Variants in RUSF1 observed in about 807,000 individuals in gnomAD.
RUSF1 encodes RUS1 family protein C16orf58.
In RUSF1, 58 loss-of-function variants were observed where a neutral mutation model predicts 63.0. That is an observed-to-expected ratio of 0.92 (90% CI 0.75 to 1.15). The LOEUF is 1.15. RUSF1 is among the 50% of genes most tolerant of loss of function. The probability of loss-of-function intolerance (pLI) is 0.00; values close to 1 mark genes in which losing one functional copy is unlikely to be tolerated. For missense variants in RUSF1, 652 were observed against 611.0 expected, an observed-to-expected ratio of 1.07 and a Z score of -0.71; for synonymous variants, 274 against 255.8, an observed-to-expected ratio of 1.07 and a Z score of -0.68.
Position 31,493,805 on chromosome 16 carries a change from G to C in RUSF1, c.774-18C>G. The C allele has an allele frequency of 6.2e-7, 1 of 1,614,192 alleles. No individual in the cohort carries two copies. The highest frequency in any genetic ancestry group is 8.5e-7 in the Non-Finnish European group (1 of 1,180,022). On this transcript the variant is annotated intron_variant, in intron 7 of 12. Coordinates refer to ENST00000327237, the MANE Select transcript of RUSF1 (RefSeq NM_022744.4). ...GGCTGAAGCTGGGGTGAGAGAGTGA[G>C]GTAGCTGAAGTGGGCAGAGGCCCAG... is the stretch of plus-strand genomic sequence containing the variant.
Position 31,489,655 on chromosome 16 carries a change from G to A in RUSF1, c.*1180C>T. On this transcript the variant is annotated 3_prime_UTR_variant, in exon 13 of 13. Transcript: ENST00000327237. Reference sequence around the variant, plus strand: ...TCTTGAACGCCCACAAAAAGGTTTGGTTTTGTTGCCAAAGGGCAGGTGGCT... The same window carrying A: ...TCTTGAACGCCCACAAAAAGGTTTGATTTTGTTGCCAAAGGGCAGGTGGCT... 2.0e-6 allele frequency: 1 copy of A among 509,392 alleles called. No individual in the cohort carries two copies. The highest frequency in any genetic ancestry group is 3.6e-6 in the Non-Finnish European group (1 of 280,016). The allele number at this position is 509,392 out of a possible 1,614,324, so 31.6% of individuals were successfully genotyped here.
intron 2 of RUSF1, among the ~76,000 whole-genome samples, chr16:31,504,295 A>T (rs2082647271): frequency 6.6e-6 from 1 of 151,654 alleles, no homozygotes; most frequent in African/African-American, 2.4e-5. Context: ...TTCAGACAGG[A>T]TACTGCTCTG....
intron 9 of RUSF1, 110 bp from the exon 10 acceptor site, chr16:31,493,158 G>C: frequency 2.6e-6 from 3 of 1,161,312 alleles, no homozygotes; most frequent in Middle Eastern, 3.8e-4. Flanking sequence ...GCTTCACTCA[G>C]GTCCCCTCGC....
chr16:31,493,969 G>A (rs983149006), intron 6 of RUSF1, 33 bp from the exon 7 acceptor site: 1 of 1,608,430 alleles, frequency 6.2e-7, no homozygotes, highest in Non-Finnish European at 8.5e-7. Context: ...GGAGTTGGAA[G>A]GTGCCCCTCC....
intron 3 of RUSF1, 116 bp downstream of exon 3, chr16:31,500,570 T>C (rs2082627681): frequency 1.5e-6 from 2 of 1,345,634 alleles, no homozygotes; most frequent in Non-Finnish European, 2.0e-6. Context: ...TTAAGCACTT[T>C]GCATAGATCA....
In RUSF1 at chr16:31,499,475, G is replaced by GCCCC; in HGVS notation, c.494+17_494+18insGGGG. ...TCATAATGGAAGACTCCCCTCCCCCGTCCCCGCCCCTCCTCACCTCCACTG... is the reference window on the plus strand; with the variant it reads ...TCATAATGGAAGACTCCCCTCCCCCGCCCCTCCCCGCCCCTCCTCACCTCCACTG... On this transcript the variant is annotated intron_variant, in intron 4 of 12. Coordinates refer to ENST00000327237, the MANE Select transcript of RUSF1 (RefSeq NM_022744.4). 1 of 795,504 alleles carries GCCCC rather than the reference G, an allele frequency of 1.3e-6. No homozygotes were observed. Among genetic ancestry groups the GCCCC allele is most frequent in the Non-Finnish European group, 2.0e-6 (1 of 494,936 alleles). The allele number at this position is 795,504 out of a possible 1,614,324, so 49.3% of individuals were successfully genotyped here.
intron 5 of RUSF1, 99 bp from the exon 6 acceptor site, chr16:31,497,049 G>A: frequency 4.3e-6 from 4 of 927,320 alleles, no homozygotes; most frequent in Non-Finnish European, 6.5e-6. Context: ...GCCAAACTCT[G>A]AATGCTGTCC....
intron 2 of RUSF1, among the ~76,000 whole-genome samples, chr16:31,502,629 G>A (rs2082638463): frequency 6.6e-6 from 1 of 152,246 alleles, no homozygotes; most frequent in Admixed American, 6.5e-5. Context: ...ATGGGTCCAA[G>A]CTACTGCCAT....
Position 31,489,963 on chromosome 16 carries a change from G to A in RUSF1, c.*872C>T, listed in dbSNP as rs1301569697. The stretch of plus-strand genomic sequence containing the variant: ...AGGGCAGCCATGTAGGGTGGAGTTG[G>A]CATGAGTTAAGCCTGGGCTGGGTGT... On this transcript the variant is annotated 3_prime_UTR_variant, in exon 13 of 13. Transcript: ENST00000327237. 16 of 1,103,896 alleles carry A rather than the reference G, an allele frequency of 1.4e-5. No homozygotes were observed. The highest frequency in any genetic ancestry group is 2.1e-5 in the Non-Finnish European group (16 of 744,484). The allele number at this position is 1,103,896 out of a possible 1,614,324, so 68.4% of individuals were successfully genotyped here.
chr16:31,499,234 G>A (rs1166830278), intron 5 of RUSF1, 68 bp downstream of exon 5: 2 of 1,380,612 alleles, frequency 1.4e-6, no homozygotes, highest in Admixed American at 1.7e-5. Context: ...AACTCACAGA[G>A]CCCAGGTAAA....
rs768349646 is a variant in RUSF1 at position 31,493,535 on chromosome 16, C to CTGG, written c.959-14_959-12dup. On this transcript the variant is annotated splice_polypyrimidine_tract_variant and intron_variant, in intron 8 of 12. Coordinates refer to ENST00000327237, the MANE Select transcript of RUSF1 (RefSeq NM_022744.4). ...GAGCTGGCCAGAAACCTGTGGGAAG[C>CTGG]TGGGGTCAGGATGCCTAGGCAGTGG... The CTGG allele has an allele frequency of 2.5e-6, 4 of 1,614,064 alleles. No homozygotes were observed. Among genetic ancestry groups the CTGG allele is most frequent in the Non-Finnish European group, 3.4e-6 (4 of 1,179,994 alleles).
At chr16:31,494,172 T>G (rs2082590167) in intron 6 of RUSF1, among the ~76,000 whole-genome samples, 1 of 151,680 alleles carries the variant, frequency 6.6e-6, no homozygotes, top group Admixed American at 6.6e-5. Context: ...ATCACTTGAG[T>G]CCAGGAGCTT....
At chr16:31,498,011 TGGA>T (rs376262814) in intron 5 of RUSF1, among the ~76,000 whole-genome samples, 12 of 152,016 alleles carry the variant, frequency 7.9e-5, no homozygotes, top group African/African-American at 2.7e-4. Context: ...GACAGGAAGA[TGGA>T]GGAGAGAATG....
rs2142668088 is a variant in RUSF1 at position 31,508,375 on chromosome 16, C to G, written c.-2G>C. 6.7e-7 allele frequency: 1 copy of G among 1,497,954 alleles called. No individual in the cohort carries two copies. The highest frequency in any genetic ancestry group is 1.4e-5 in the African/African-American group (1 of 69,936). 92.8% of individuals were successfully genotyped at this position (1,497,954 alleles called of 1,614,324 possible). On this transcript the variant is annotated 5_prime_UTR_variant, in exon 1 of 13. Coordinates refer to ENST00000327237, the MANE Select transcript of RUSF1 (RefSeq NM_022744.4). ...CTCCAAACCCGCGTCGTCAGCCATG[C>G]CGAGCTTTTGGATCCCAGCCCCGCC...
chr16:31,503,660 A>G (rs993626895), intron 2 of RUSF1, among the ~76,000 whole-genome samples: 2 of 152,186 alleles, frequency 1.3e-5, no homozygotes, highest in African/African-American at 2.4e-5. Flanking sequence ...ATCAATAACA[A>G]GCCTTTATTT....
At chr16:31,491,951 C>T (rs960409159) in intron 12 of RUSF1, 58 bp downstream of exon 12, 94 of 1,581,872 alleles carry the variant, frequency 5.9e-5, no homozygotes, top group Non-Finnish European at 7.5e-5. Flanking sequence ...TGGGGGAAGG[C>T]GGGGCCCCCA....
chr16:31,494,441 G>A (rs2082591835), intron 6 of RUSF1, among the ~76,000 whole-genome samples: 1 of 151,932 alleles, frequency 6.6e-6, no homozygotes, highest in Non-Finnish European at 1.5e-5. Flanking sequence ...GCTTGAGCCT[G>A]GGAGGTGGAG....
chr16:31,498,509 G>A (rs1567397265), intron 5 of RUSF1, among the ~76,000 whole-genome samples: 2 of 152,144 alleles, frequency 1.3e-5, no homozygotes, highest in African/African-American at 4.8e-5. Context: ...CCTTGGAATG[G>A]GTTTTCCATT....
chr16:31,508,111 G>C lies in RUSF1; in HGVS notation c.263C>G (p.Pro88Arg). 1 of 1,605,018 alleles carries C rather than the reference G, an allele frequency of 6.2e-7. No individual in the cohort carries two copies. The highest frequency in any genetic ancestry group is 1.3e-5 in the African/African-American group (1 of 74,740). The change falls in exon 1 of 13, where the codon CCG (proline) becomes CGG (arginine). Residue 88 changes from proline (P) to arginine (R), a missense_variant. Coordinates refer to ENST00000327237, the MANE Select transcript of RUSF1 (RefSeq NM_022744.4). ...CCACAGCTGGTAGGGCAAGTAGTCC[G>C]GGCTGACGCTATCAGGGAAGCCCTG... ...LPQGFPDSVSPDYLPYQLWDS... is the reference protein window; with the variant it reads ...LPQGFPDSVSRDYLPYQLWDS...
Sources: allele counts gnomAD v4.1 joint callset (sites outside exome capture counted in the v4.1 genomes callset), GRCh38; gene constraint gnomAD v4.1.1; transcripts MANE v1.5; gene names NCBI Gene and HGNC (gene_info 2026-07-23, HGNC 2026-07-21).